Variants in LAMA2 observed in about 807,000 individuals in gnomAD.
LAMA2 encodes the protein laminin subunit alpha 2, also known as laminin subunit alpha-2.
A neutral mutation model predicts 364.8 loss-of-function variants in LAMA2; 269 were observed. That is an observed-to-expected ratio of 0.74 (90% CI 0.67 to 0.82). The LOEUF (loss-of-function observed/expected upper bound fraction) is 0.82, where lower values mean the gene tolerates loss of function less well. Among genes scored for constraint, LAMA2 ranks in the 40% least tolerant of loss-of-function variants. The pLI is 0.00. For synonymous variants in LAMA2, 1,379 were observed against 1,370.6 expected (o/e 1.01, Z -0.14); for missense variants, 3,807 against 3,873.2 (o/e 0.98, Z 0.45).
chr6:129,165,610 G>C lies in LAMA2; in HGVS notation c.1241G>C (p.Cys414Ser). 1 of 1,613,276 alleles carries C rather than the reference G, an allele frequency of 6.2e-7. No homozygotes were observed. The highest frequency in any genetic ancestry group is 1.7e-5 in the Admixed American group (1 of 59,906). The change falls in exon 9 of 65, where the codon TGT becomes TCT. Residue 414 changes from cysteine to serine, a missense_variant. Physicochemically the swap from Cys to Ser is moderately radical, Grantham distance 112. Transcript: ENST00000421865. ...SPNYPRPCQPCHCDPIGSLNE... is the reference protein window; with the variant it reads ...SPNYPRPCQPSHCDPIGSLNE... ...AATTATCCAAGGCCATGCCAGCCAT[G>C]TCATTGCGATCCAATTGGTTCCTTA...
intron 3 of LAMA2, among the ~76,000 whole-genome samples, chr6:129,092,874 A>G (rs1774928105): frequency 6.6e-6 from 1 of 152,170 alleles, no homozygotes; most frequent in Non-Finnish European, 1.5e-5. Flanking sequence ...TGGCCTTATT[A>G]CATCATTACA....
intron 1 of LAMA2, among the ~76,000 whole-genome samples, chr6:128,953,778 G>T (rs1780985943): frequency 6.6e-6 from 1 of 151,992 alleles, no homozygotes; most frequent in South Asian, 2.1e-4. Flanking sequence ...ACAATTTTTG[G>T]TGTGCGGTTT....
At chr6:128,929,262 C>T in intron 1 of LAMA2, 2 of 1,402,392 alleles carry the variant, frequency 1.4e-6, no homozygotes, top group South Asian at 1.2e-5. Flanking sequence ...CCGTCAATGG[C>T]TAAGTTCCCG....
At chr6:129,263,298 A>G (rs776894184) in intron 15 of LAMA2, among the ~76,000 whole-genome samples, 1 of 152,210 alleles carries the variant, frequency 6.6e-6, no homozygotes, top group Non-Finnish European at 1.5e-5. Context: ...ACGATATGCC[A>G]GAAAGCAAAT....
chr6:129,045,733 C>T (rs1197737104), intron 1 of LAMA2, among the ~76,000 whole-genome samples: 2 of 152,118 alleles, frequency 1.3e-5, no homozygotes, highest in African/African-American at 2.4e-5. Flanking sequence ...GAACATACAA[C>T]ATAAAGAAAA....
intron 9 of LAMA2, among the ~76,000 whole-genome samples, chr6:129,166,565 G>A (rs1450868353): frequency 2.6e-5 from 4 of 152,186 alleles, no homozygotes; most frequent in Non-Finnish European, 2.9e-5. Flanking sequence ...TTTGATAGTC[G>A]AATGATGAAT....
chr6:128,904,259 G>A (rs1316522062), intron 1 of LAMA2, among the ~76,000 whole-genome samples: 4 of 152,024 alleles, frequency 2.6e-5, no homozygotes. Context: ...TTTTAGCTTG[G>A]TTTGAGGGTG....
intron 1 of LAMA2, among the ~76,000 whole-genome samples, chr6:128,967,817 C>T (rs1337373697): frequency 6.6e-6 from 1 of 152,126 alleles, no homozygotes; most frequent in Non-Finnish European, 1.5e-5. Context: ...AATTACACCT[C>T]AGATTATTTC....
chr6:129,260,238 A>C (rs1249274584), intron 14 of LAMA2, among the ~76,000 whole-genome samples: 1 of 152,132 alleles, frequency 6.6e-6, no homozygotes, highest in African/African-American at 2.4e-5. Context: ...AAACAAGCAG[A>C]TTTATCTCTA....
chr6:129,013,458 G>T (rs1013506480), intron 1 of LAMA2, among the ~76,000 whole-genome samples: 1 of 151,518 alleles, frequency 6.6e-6, no homozygotes, highest in Non-Finnish European at 1.5e-5. Context: ...AATTTTTTTT[G>T]AATAAATAGA....
Position 129,313,021 on chromosome 6 carries a change from G to A in LAMA2, c.3335G>A (p.Gly1112Glu). The A allele has an allele frequency of 6.2e-7, 1 of 1,614,104 alleles. No individual in the cohort carries two copies. The highest frequency in any genetic ancestry group is 8.5e-7 in the Non-Finnish European group (1 of 1,180,000). Residue 1112 changes from glycine to glutamate, a missense_variant, in exon 23 of 65, where the codon GGG becomes GAG. Coordinates refer to ENST00000421865, the MANE Select transcript of LAMA2 (RefSeq NM_000426.4). ...AATCTCTGTGACTGCTTCCTCCCTG[G>A]GACAGATGCCACAACCTGTGATTCA... ...RCNLCDCFLP[G>E]TDATTCDSET...
intron 3 of LAMA2, among the ~76,000 whole-genome samples, chr6:129,085,901 T>G (rs1407086614): frequency 6.6e-6 from 1 of 152,238 alleles, no homozygotes; most frequent in Non-Finnish European, 1.5e-5. Flanking sequence ...TGTTAACTGC[T>G]TTGCATTCCA....
chr6:129,334,262 C>T (rs1178229450), intron 29 of LAMA2, among the ~76,000 whole-genome samples: 1 of 152,164 alleles, frequency 6.6e-6, no homozygotes, highest in African/African-American at 2.4e-5. Flanking sequence ...AGTCAGAGTG[C>T]CTTGATTCAA....
At chr6:129,343,559 G>C (rs1776384759) in intron 30 of LAMA2, among the ~76,000 whole-genome samples, 1 of 152,022 alleles carries the variant, frequency 6.6e-6, no homozygotes, top group South Asian at 2.1e-4. Context: ...CATTATTTTT[G>C]TCTCTCTTTC....
intron 29 of LAMA2, among the ~76,000 whole-genome samples, chr6:129,337,044 A>G (rs2114555426): frequency 6.6e-6 from 1 of 152,316 alleles, no homozygotes; most frequent in South Asian, 2.1e-4. Flanking sequence ...TTCCTGTGGC[A>G]TCTGTTAATT....
At chr6:128,893,174 A>C (rs915497474) in intron 1 of LAMA2, among the ~76,000 whole-genome samples, 6 of 151,934 alleles carry the variant, frequency 3.9e-5, no homozygotes, top group Non-Finnish European at 7.4e-5. Flanking sequence ...TCTGAAATTC[A>C]ATTTTCCATC....
intron 29 of LAMA2, among the ~76,000 whole-genome samples, chr6:129,337,640 T>G (rs1776028439): frequency 6.6e-6 from 1 of 152,122 alleles, no homozygotes; most frequent in African/African-American, 2.4e-5. Flanking sequence ...TTAGATTAAG[T>G]AATTTCTCAC....
At chr6:128,936,559 T>C (rs1314074191) in intron 1 of LAMA2, among the ~76,000 whole-genome samples, 1 of 152,184 alleles carries the variant, frequency 6.6e-6, no homozygotes. Flanking sequence ...ACATATAGTA[T>C]GCTTTTTATT....
intron 1 of LAMA2, among the ~76,000 whole-genome samples, chr6:128,947,962 C>T (rs1340819689): frequency 6.6e-6 from 1 of 151,796 alleles, no homozygotes; most frequent in Non-Finnish European, 1.5e-5. Context: ...ACAGAATTAG[C>T]CTTAAGGAGG....
Sources: allele counts gnomAD v4.1 joint callset (sites outside exome capture counted in the v4.1 genomes callset), GRCh38; gene constraint gnomAD v4.1.1; transcripts MANE v1.5; gene names NCBI Gene and HGNC (gene_info 2026-07-23, HGNC 2026-07-21).